The following PCDHGA7 variants were observed in gnomAD, a reference collection of about 807,000 sequenced individuals.
PCDHGA7 encodes protocadherin gamma subfamily A, 7.
PCDHGA7 carries 44 observed loss-of-function variants against 58.3 expected under a neutral mutation model. The ratio of observed to expected loss-of-function variants is 0.75; its 90% CI spans 0.59 to 0.97. The LOEUF (loss-of-function observed/expected upper bound fraction) is 0.97. Among genes scored for constraint, PCDHGA7 ranks in the 50% least tolerant of loss-of-function variants. The pLI is 0.00. For synonymous variants in PCDHGA7, 516 were observed against 504.2 expected, an observed-to-expected ratio of 1.02 and a Z score of -0.31; for missense variants, 1,266 against 1,188.7, an observed-to-expected ratio of 1.06 and a Z score of -0.96.
chr5:141,436,487 A>G (rs2097826897), intron 1 of PCDHGA7, among the ~76,000 whole-genome samples: 2 of 152,196 alleles, frequency 1.3e-5, no homozygotes, highest in Non-Finnish European at 2.9e-5. Context: ...GAAGGATAGC[A>G]GCTTTGCAAT....
chr5:141,403,243 T>C (rs1363955978), intron 1 of PCDHGA7: 2 of 1,613,894 alleles, frequency 1.2e-6, no homozygotes, highest in East Asian at 4.5e-5. Context: ...AGCTCTGTGC[T>C]CAGAGCCCGC....
chr5:141,451,301 G>T (rs963686418), intron 1 of PCDHGA7, among the ~76,000 whole-genome samples: 3 of 152,196 alleles, frequency 2.0e-5, no homozygotes, highest in Non-Finnish European at 4.4e-5. Flanking sequence ...AGTCTTACAA[G>T]GCAGCAATTA....
intron 1 of PCDHGA7, chr5:141,395,466 TC>T (rs951026760): frequency 3.5e-6 from 2 of 577,354 alleles, no homozygotes; most frequent in Non-Finnish European, 5.8e-6. Context: ...TTTTAAGCCT[TC>T]CAGTATTTTA....
At chr5:141,441,742 T>C in intron 1 of PCDHGA7, 1 of 367,312 alleles carries the variant, frequency 2.7e-6, no homozygotes, top group Non-Finnish European at 5.4e-6. Context: ...TAGCTCGCGC[T>C]CGGCGTCAAC....
chr5:141,390,118 C>G, intron 1 of PCDHGA7: 2 of 1,614,036 alleles, frequency 1.2e-6, no homozygotes, highest in Non-Finnish European at 1.7e-6. Context: ...AGCGAGGGGA[C>G]TTTGCCTTAT....
At chr5:141,445,844 A>T (rs979756627) in intron 1 of PCDHGA7, among the ~76,000 whole-genome samples, 3 of 152,216 alleles carry the variant, frequency 2.0e-5, no homozygotes, top group Admixed American at 1.3e-4. Context: ...TGTAAATCAC[A>T]CTTAAAATTC....
chr5:141,418,948 A>G (rs767664022), intron 1 of PCDHGA7: 1 of 1,614,042 alleles, frequency 6.2e-7, no homozygotes, highest in Non-Finnish European at 8.5e-7. Context: ...CCCCTCCAGG[A>G]GTGGTTGTTG....
chr5:141,469,005 G>A (rs1011079995), intron 1 of PCDHGA7, among the ~76,000 whole-genome samples: 7 of 151,814 alleles, frequency 4.6e-5, no homozygotes, highest in South Asian at 2.1e-4. Context: ...TGCTGGGTGC[G>A]GTGGGTCACT....
chr5:141,463,438 CTTTTTTTTTTT>C (rs71576115), intron 1 of PCDHGA7, among the ~76,000 whole-genome samples: 7 of 103,256 alleles, frequency 6.8e-5, no homozygotes, highest in African/African-American at 1.8e-4. Flanking sequence ...TTTCCTTCTC[CTTTTTTTTTTT>C]TTTTTTTTTT....
At chr5:141,447,642 T>G (rs1275164919) in intron 1 of PCDHGA7, among the ~76,000 whole-genome samples, 2 of 152,166 alleles carry the variant, frequency 1.3e-5, no homozygotes, top group Non-Finnish European at 2.9e-5. Flanking sequence ...TGAATGATGG[T>G]AGAATTTTCC....
chr5:141,405,222 T>A, intron 1 of PCDHGA7: 5 of 1,613,886 alleles, frequency 3.1e-6, no homozygotes, highest in Non-Finnish European at 4.2e-6. Context: ...TCTCAGGAGT[T>A]CTCCCTCACC....
At chr5:141,386,456 G>T (rs2090582697) in intron 1 of PCDHGA7, among the ~76,000 whole-genome samples, 1 of 152,278 alleles carries the variant, frequency 6.6e-6, no homozygotes, top group East Asian at 1.9e-4. Flanking sequence ...CAAGAGGACA[G>T]CTTGAACCCA....
intron 2 of PCDHGA7, among the ~76,000 whole-genome samples, chr5:141,495,703 GGAGT>G (rs2099763108): frequency 6.6e-6 from 1 of 152,098 alleles, no homozygotes; most frequent in South Asian, 2.1e-4. Context: ...CAATAAATGT[GGAGT>G]GAGTAACTAC....
chr5:141,484,603 G>T (rs1460433183), intron 1 of PCDHGA7, among the ~76,000 whole-genome samples: 1 of 152,008 alleles, frequency 6.6e-6, no homozygotes, highest in Non-Finnish European at 1.5e-5. Context: ...TAGAATACTG[G>T]TTGATGACAA....
chr5:141,480,660 C>T (rs535356928), intron 1 of PCDHGA7, among the ~76,000 whole-genome samples: 2 of 152,170 alleles, frequency 1.3e-5, no homozygotes, highest in Non-Finnish European at 2.9e-5. Flanking sequence ...ACATTAAAAT[C>T]ACCTAGAGAC....
intron 1 of PCDHGA7, chr5:141,402,998 C>G: frequency 6.2e-7 from 1 of 1,613,908 alleles, no homozygotes; most frequent in Non-Finnish European, 8.5e-7. Context: ...ATTAGTCCTG[C>G]TATGCTCGCT....
At position 141,454,320 on chromosome 5, in the gene PCDHGA7, C is replaced by T. The variant is rs140074578; in HGVS notation, c.2425-40487C>T. ...CAGATATTTCAAAGCATTGAAACCTCCAAGAATAAATAAAATGTTGGAAGT... is the reference window on the plus strand; with the variant it reads ...CAGATATTTCAAAGCATTGAAACCTTCAAGAATAAATAAAATGTTGGAAGT... On this transcript the variant is annotated intron_variant, in intron 1 of 3. Coordinates refer to ENST00000518325, the MANE Select transcript of PCDHGA7 (RefSeq NM_018920.4). Among the ~76,000 whole-genome samples, 592 of 152,266 alleles carry T rather than the reference C, an allele frequency of 3.9e-3. 6 individuals are homozygous for T. Among genetic ancestry groups the T allele is most frequent in the Admixed American group, 0.011 (171 of 15,288 alleles).
intron 1 of PCDHGA7, chr5:141,423,157 G>T: frequency 1.9e-6 from 3 of 1,610,820 alleles, no homozygotes; most frequent in East Asian, 2.2e-5. Context: ...GCAGAGCCTC[G>T]TGGTGGCCGT....
intron 1 of PCDHGA7, among the ~76,000 whole-genome samples, chr5:141,463,618 T>G (rs2099065558): frequency 6.6e-6 from 1 of 151,792 alleles, no homozygotes; most frequent in African/African-American, 2.4e-5. Context: ...CCGGCTAATT[T>G]TTTGTATTTT....
Sources: allele counts gnomAD v4.1 joint callset (sites outside exome capture counted in the v4.1 genomes callset), GRCh38; gene constraint gnomAD v4.1.1; transcripts MANE v1.5; gene names NCBI Gene and HGNC (gene_info 2026-07-23, HGNC 2026-07-21).